Variants in SMURF2 observed in about 807,000 individuals in gnomAD.
SMURF2 encodes the protein E3 ubiquitin-protein ligase SMURF2.
Under a neutral mutation model 109.6 loss-of-function variants are expected in SMURF2, and 48 were observed. The ratio of observed to expected loss-of-function variants is 0.44; its 90% CI spans 0.35 to 0.56. The LOEUF (loss-of-function observed/expected upper bound fraction) is 0.56, where lower values mean the gene tolerates loss of function less well. SMURF2 is among the 20% of genes least tolerant of loss of function. The probability of loss-of-function intolerance (pLI) is 0.01; values close to 1 mark genes in which losing one functional copy is unlikely to be tolerated. For synonymous variants in SMURF2, 288 were observed against 317.1 expected (o/e 0.91, Z 0.97); for missense variants, 575 against 909.0 (o/e 0.63, Z 4.72).
intron 10 of SMURF2, among the ~76,000 whole-genome samples, chr17:64,570,842 G>C (rs544300297): frequency 6.6e-6 from 1 of 152,116 alleles, no homozygotes; most frequent in Admixed American, 6.6e-5. Context: ...AATGAGTGGC[G>C]CGATCACAGC....
At position 64,631,276 on chromosome 17, in the gene SMURF2, G is replaced by GAGA. The variant is rs1568202853; in HGVS notation, c.53-24637_53-24636insTCT. On this transcript the variant is annotated intron_variant, in intron 1 of 18. Transcript: ENST00000262435. ...AATGGAGGTGGGGGGGAGAGAGGGG[G>GAGA]GGGGGGAGAGAGAGAGAGAGAGAGA... is the stretch of plus-strand genomic sequence containing the variant. Among the ~76,000 whole-genome samples the GAGA allele has an allele frequency of 9.1e-4, 24 of 26,308 alleles. 1 individual carries two copies. Among genetic ancestry groups the GAGA allele is most frequent in the African/African-American group, 3.7e-3 (22 of 5,986 alleles). 17.3% of individuals were successfully genotyped at this position (26,308 alleles called of 152,430 possible). A position where few individuals can be genotyped will look rare whatever the true frequency, so the allele number is the denominator to read the frequency against.
chr17:64,631,820 C>G (rs1212829101), intron 1 of SMURF2, among the ~76,000 whole-genome samples: 1 of 152,138 alleles, frequency 6.6e-6, no homozygotes, highest in Non-Finnish European at 1.5e-5. Context: ...TGCTTATGCA[C>G]GTTATATGGA....
rs541311575 is a variant in SMURF2 at position 64,548,863 on chromosome 17, T to C, written c.1870-1062A>G. 4.6e-5 allele frequency among the ~76,000 whole-genome samples: 7 copies of C among 152,316 alleles called. No individual in the cohort carries two copies. The South Asian group carries it at 1.5e-3, about 32-fold the overall frequency. On this transcript the variant is annotated intron_variant, in intron 16 of 18. Transcript: ENST00000262435. Reference sequence around the variant, plus strand: ...GTTCAAGACTAACTCACCATACTAATCTAACATGTTTGTTTATAGCAGTGA... The same window carrying C: ...GTTCAAGACTAACTCACCATACTAACCTAACATGTTTGTTTATAGCAGTGA...
At chr17:64,546,609 T>C (rs1441483804) in intron 17 of SMURF2, among the ~76,000 whole-genome samples, 8 of 152,190 alleles carry the variant, frequency 5.3e-5, no homozygotes, top group Non-Finnish European at 1.2e-4. Flanking sequence ...CTATCTTTTA[T>C]AGAAAGTCAA....
chr17:64,609,185 G>A (rs1970010541), intron 1 of SMURF2, among the ~76,000 whole-genome samples: 1 of 152,038 alleles, frequency 6.6e-6, no homozygotes, highest in African/African-American at 2.4e-5. Flanking sequence ...TTGTGAAAAT[G>A]GCCATACTGC....
chr17:64,628,394 A>G (rs1263756183), intron 1 of SMURF2, among the ~76,000 whole-genome samples: 1 of 152,188 alleles, frequency 6.6e-6, no homozygotes, highest in Non-Finnish European at 1.5e-5. Flanking sequence ...CAAATAGTGA[A>G]ATAAATCTCC....
chr17:64,563,163 C>T, intron 10 of SMURF2, 197 bp from the exon 11 acceptor site: 1 of 482,750 alleles, frequency 2.1e-6, no homozygotes, highest in Non-Finnish European at 3.7e-6. Flanking sequence ...TCCACATAAA[C>T]TGACAGAATT....
chr17:64,614,122 T>G (rs1427122688), intron 1 of SMURF2, among the ~76,000 whole-genome samples: 4 of 152,144 alleles, frequency 2.6e-5, no homozygotes, highest in African/African-American at 9.7e-5. Flanking sequence ...CAGATGATGC[T>G]TCACTGGCTC....
chr17:64,566,138 G>T (rs1420852393), intron 10 of SMURF2, among the ~76,000 whole-genome samples: 1 of 151,884 alleles, frequency 6.6e-6, no homozygotes, highest in Non-Finnish European at 1.5e-5. Flanking sequence ...TTAAAAAATA[G>T]AAATCAAACA....
chr17:64,544,185 T>C lies in SMURF2; in HGVS notation c.*1663A>G, dbSNP rs1215618819. 6.6e-6 allele frequency: 1 copy of C among 152,170 alleles called. No homozygotes were observed. 9.4% of individuals were successfully genotyped at this position (152,170 alleles called of 1,614,324 possible). On this transcript the variant is annotated 3_prime_UTR_variant, in exon 19 of 19. Coordinates refer to ENST00000262435, the MANE Select transcript of SMURF2 (RefSeq NM_022739.4). ...CAATATACATAAGAAAAATGGGCTG[T>C]TCTGGGTAAAGGGGGTGGGGATATG...
chr17:64,609,912 C>CA (rs879957059), intron 1 of SMURF2, among the ~76,000 whole-genome samples: 5,779 of 133,912 alleles, frequency 0.043, 358 homozygotes, highest in African/African-American at 0.14. Flanking sequence ...TTTAAATTTA[C>CA]AAAAAAAAAA....
intron 9 of SMURF2, among the ~76,000 whole-genome samples, chr17:64,575,743 G>T (rs1293647857): frequency 6.6e-6 from 1 of 151,954 alleles, no homozygotes; most frequent in African/African-American, 2.4e-5. Flanking sequence ...TGTTCTGGGG[G>T]TTTGTTTTGG....
intron 1 of SMURF2, among the ~76,000 whole-genome samples, chr17:64,621,905 A>T (rs1335049313): frequency 7.8e-6 from 1 of 127,880 alleles, no homozygotes; most frequent in Admixed American, 7.6e-5. Flanking sequence ...AAATAAATAA[A>T]TAATAATAAT....
chr17:64,638,736 T>C (rs1231923421), intron 1 of SMURF2, among the ~76,000 whole-genome samples: 1 of 152,224 alleles, frequency 6.6e-6, no homozygotes, highest in Non-Finnish European at 1.5e-5. Context: ...CACATTCATA[T>C]TGCTAGACAA....
At chr17:64,564,577 A>C (rs1969274600) in intron 10 of SMURF2, among the ~76,000 whole-genome samples, 1 of 152,182 alleles carries the variant, frequency 6.6e-6, no homozygotes, top group Non-Finnish European at 1.5e-5. Context: ...TAAATCCAAA[A>C]ACTGATGTCT....
intron 2 of SMURF2, among the ~76,000 whole-genome samples, chr17:64,605,170 A>G (rs7219666): frequency 0.22 from 33,546 of 151,754 alleles, 7,481 homozygotes; most frequent in African/African-American, 0.57. Context: ...GAGAGATGGG[A>G]AGTTCTGTGG....
At chr17:64,616,945 G>A (rs1555690170) in intron 1 of SMURF2, among the ~76,000 whole-genome samples, 1 of 151,082 alleles carries the variant, frequency 6.6e-6, no homozygotes, top group African/African-American at 2.4e-5. Context: ...GCCCGGCATG[G>A]TGGTGTGTGC....
At chr17:64,579,323 T>C (rs1555686320) in intron 8 of SMURF2, among the ~76,000 whole-genome samples, 1 of 151,900 alleles carries the variant, frequency 6.6e-6, no homozygotes, top group East Asian at 1.9e-4. Context: ...CACTTTTCTT[T>C]AGACAAAATC....
intron 9 of SMURF2, among the ~76,000 whole-genome samples, 195 bp downstream of exon 9, chr17:64,578,297 G>A (rs1028563823): frequency 4.6e-5 from 7 of 152,056 alleles, no homozygotes; most frequent in African/African-American, 1.7e-4. Flanking sequence ...AACTGGTGAG[G>A]GAGGGGAGAA....
Sources: gnomAD v4.1 joint callset for allele counts (sites outside exome capture counted in the v4.1 genomes callset) on GRCh38, gnomAD v4.1.1 for gene constraint, MANE v1.5 for transcripts, NCBI Gene and HGNC (gene_info 2026-07-23, HGNC 2026-07-21) for gene names.